SH3RF1: variants seen among roughly 807,000 people sequenced by gnomAD.
The protein encoded by SH3RF1 is SH3 domain containing ring finger 1, also known as E3 ubiquitin-protein ligase SH3RF1.
SH3RF1 carries 32 observed loss-of-function variants against 74.0 expected under a neutral mutation model. That is an observed-to-expected ratio of 0.43 (90% CI 0.33 to 0.58). The LOEUF is 0.58. Among genes scored for constraint, SH3RF1 ranks in the 20% least tolerant of loss-of-function variants. The probability of loss-of-function intolerance (pLI) is 0.05; values close to 1 mark genes in which losing one functional copy is unlikely to be tolerated. For missense variants in SH3RF1, 954 were observed against 1,130.9 expected, an observed-to-expected ratio of 0.84 and a Z score of 2.24; for synonymous variants, 396 against 439.6, an observed-to-expected ratio of 0.90 and a Z score of 1.24.
intron 2 of SH3RF1, among the ~76,000 whole-genome samples, chr4:169,212,842 G>A (rs867864072): frequency 4.2e-4 from 64 of 152,100 alleles, no homozygotes; most frequent in African/African-American, 1.3e-3. Flanking sequence ...AAAATCCTGC[G>A]TGCTCAACTT....
intron 2 of SH3RF1, among the ~76,000 whole-genome samples, chr4:169,175,638 T>C (rs184281823): frequency 2.0e-5 from 3 of 152,290 alleles, no homozygotes; most frequent in Non-Finnish European, 2.9e-5. Flanking sequence ...TTCCTCACCC[T>C]GAACTTTCTA....
chr4:169,201,394 C>T, intron 2 of SH3RF1, among the ~76,000 whole-genome samples: 1 of 152,160 alleles, frequency 6.6e-6, no homozygotes, highest in East Asian at 1.9e-4. Context: ...CTGTAAAAAA[C>T]AATATTTGCC....
At chr4:169,236,215 T>C (rs555778574) in intron 2 of SH3RF1, among the ~76,000 whole-genome samples, 2 of 152,358 alleles carry the variant, frequency 1.3e-5, no homozygotes, top group East Asian at 1.9e-4. Context: ...AATGGAATCA[T>C]GGCCTAGTAA....
chr4:169,242,122 TA>T (rs199745243), intron 2 of SH3RF1, among the ~76,000 whole-genome samples: 1 of 151,604 alleles, frequency 6.6e-6, no homozygotes, highest in African/African-American at 2.4e-5. Context: ...TATTTCAATT[TA>T]AATTTTTTTT....
In SH3RF1 at chr4:169,156,659, A is replaced by G. The variant is rs1734060966; in HGVS notation, c.414T>C (p.Cys138=). 2.5e-6 allele frequency: 4 copies of G among 1,612,266 alleles called. No individual in the cohort carries two copies. The highest frequency in any genetic ancestry group is 3.4e-6 in the Non-Finnish European group (4 of 1,178,982). The change falls in exon 3 of 12, where the codon TGT becomes TGC. Residue 138 remains cysteine (C), a synonymous_variant. Transcript: ENST00000284637. ...CTTCATAGTTGTATAATGCTTTGGC[A>G]CATGGTAACTGAGGTATACCCTTTA... ...PPVRGIPQLP[C]AKALYNYEGK...
At chr4:169,096,835 TC>T in intron 11 of SH3RF1, 148 bp from the exon 12 acceptor site, 4 of 810,826 alleles carry the variant, frequency 4.9e-6, no homozygotes. Context: ...ACTGCTATTT[TC>T]TGTTTAGTAG....
At chr4:169,189,613 A>T (rs1734665670) in intron 2 of SH3RF1, among the ~76,000 whole-genome samples, 1 of 152,230 alleles carries the variant, frequency 6.6e-6, no homozygotes, top group Non-Finnish European at 1.5e-5. Flanking sequence ...AAATAAAACC[A>T]GTGGTGGCCT....
At chr4:169,162,611 A>T (rs7656963) in intron 2 of SH3RF1, among the ~76,000 whole-genome samples, 48,478 of 152,100 alleles carry the variant, frequency 0.32, 8,047 homozygotes, top group African/African-American at 0.4. Flanking sequence ...TTTAATCAAA[A>T]CTACCAGCAC....
intron 2 of SH3RF1, among the ~76,000 whole-genome samples, chr4:169,239,348 T>C (rs1730868950): frequency 6.6e-6 from 1 of 152,090 alleles, no homozygotes; most frequent in Non-Finnish European, 1.5e-5. Context: ...AAAAAGCTGA[T>C]ATTCAGAAAG....
intron 11 of SH3RF1, among the ~76,000 whole-genome samples, chr4:169,103,722 GTAAA>G (rs1323547780): frequency 6.6e-6 from 1 of 152,100 alleles, no homozygotes; most frequent in Non-Finnish European, 1.5e-5. Flanking sequence ...AGAATCCAAG[GTAAA>G]TAAATACTAT....
chr4:169,222,941 C>T (rs1730591509), intron 2 of SH3RF1, among the ~76,000 whole-genome samples: 1 of 152,170 alleles, frequency 6.6e-6, no homozygotes, highest in South Asian at 2.1e-4. Flanking sequence ...GGACAGCACC[C>T]CTGTCCTCGC....
intron 4 of SH3RF1, among the ~76,000 whole-genome samples, chr4:169,148,095 G>A (rs1486070970): frequency 6.6e-6 from 1 of 152,158 alleles, no homozygotes; most frequent in Non-Finnish European, 1.5e-5. Context: ...TTAGGTGTGA[G>A]AAAATGAAAT....
At chr4:169,150,980 C>T (rs111301168) in intron 4 of SH3RF1, among the ~76,000 whole-genome samples, 7 of 152,190 alleles carry the variant, frequency 4.6e-5, no homozygotes, top group African/African-American at 1.7e-4. Context: ...ATGTAACATC[C>T]TGACGTAACA....
intron 11 of SH3RF1, among the ~76,000 whole-genome samples, chr4:169,099,963 T>C (rs554316630): frequency 1.1e-4 from 17 of 152,326 alleles, no homozygotes; most frequent in African/African-American, 4.1e-4. Context: ...CCAGCTCAGG[T>C]CCTGATCTTG....
At position 169,109,546 on chromosome 4, in the gene SH3RF1, C is replaced by T. The variant is rs78039703; in HGVS notation, c.2140-2341G>A. On this transcript the variant is annotated intron_variant, in intron 10 of 11. Coordinates refer to ENST00000284637, the MANE Select transcript of SH3RF1 (RefSeq NM_020870.4). ...GTGGTAATACAGAAAAGATGCTGTCCTAGTTCCAAGGAACCATGCTTTCAA... is the reference window on the plus strand; with the variant it reads ...GTGGTAATACAGAAAAGATGCTGTCTTAGTTCCAAGGAACCATGCTTTCAA... Among the ~76,000 whole-genome samples the T allele has an allele frequency of 9.2e-3, 1,406 of 152,240 alleles. 9 individuals carry two copies. Among genetic ancestry groups the T allele is most frequent in the Non-Finnish European group, 0.012 (801 of 68,018 alleles).
At chr4:169,156,337 A>C in intron 3 of SH3RF1, 67 bp downstream of exon 3, 1 of 1,452,388 alleles carries the variant, frequency 6.9e-7, no homozygotes, top group Non-Finnish European at 9.1e-7. Context: ...AACACGAGCT[A>C]TATTTCTATG....
intron 2 of SH3RF1, among the ~76,000 whole-genome samples, chr4:169,202,345 CCTCT>C (rs1456377510): frequency 6.6e-6 from 1 of 152,096 alleles, no homozygotes; most frequent in Non-Finnish European, 1.5e-5. Context: ...GACTCTCAGC[CCTCT>C]CTATTTTTCT....
At chr4:169,205,561 A>G (rs1374032141) in intron 2 of SH3RF1, among the ~76,000 whole-genome samples, 3 of 152,178 alleles carry the variant, frequency 2.0e-5, no homozygotes, top group African/African-American at 7.2e-5. Context: ...TGCAGCACTG[A>G]GCATATCCTT....
At position 169,122,240 on chromosome 4, in the gene SH3RF1, G is replaced by C; in HGVS notation, c.1206C>G (p.Pro402=). 1.2e-6 allele frequency: 2 copies of C among 1,607,598 alleles called. No individual in the cohort carries two copies. Among genetic ancestry groups the C allele is most frequent in the Non-Finnish European group, 1.7e-6 (2 of 1,176,562 alleles). ...CAAGGACAGTGGCAGCCAGGAGAGG[G>C]GGTGGTGGAAGAGGAGGATTCAAAG... ...LGTLNPPLPP[P]PLLAATVLAS... The change falls in exon 7 of 12, where the codon CCC becomes CCG. Residue 402 remains proline, a synonymous_variant. Coordinates refer to ENST00000284637, the MANE Select transcript of SH3RF1 (RefSeq NM_020870.4).
Sources: gnomAD v4.1 joint callset for allele counts (sites outside exome capture counted in the v4.1 genomes callset) on GRCh38, gnomAD v4.1.1 for gene constraint, MANE v1.5 for transcripts, NCBI Gene and HGNC (gene_info 2026-07-23, HGNC 2026-07-21) for gene names.